The following GTF2A1 variants were observed in gnomAD, a reference collection of about 807,000 sequenced individuals.
GTF2A1 encodes the protein general transcription factor IIA subunit 1.
Under a neutral mutation model 54.1 loss-of-function variants are expected in GTF2A1, and 12 were observed. That is an observed-to-expected ratio of 0.22 (90% confidence interval 0.14 to 0.36). The LOEUF (loss-of-function observed/expected upper bound fraction) is 0.36, where lower values mean the gene tolerates loss of function less well. Among genes scored for constraint, GTF2A1 ranks in the 10% least tolerant of loss-of-function variants. GTF2A1 has a pLI of 1.00. For synonymous variants in GTF2A1, 145 were observed against 152.0 expected (o/e 0.95, Z 0.34); for missense variants, 335 against 442.2 (o/e 0.76, Z 2.17).
At position 81,192,750 on chromosome 14, in the gene GTF2A1, T is replaced by C. The variant is rs749419776; in HGVS notation, c.702A>G (p.Gln234=). 1.9e-6 allele frequency: 3 copies of C among 1,613,438 alleles called. No individual in the cohort carries two copies. Among genetic ancestry groups the C allele is most frequent in the South Asian group, 1.1e-5 (1 of 91,072 alleles). ...QQILFTGNKT[Q]VIPTTVAAPT... is the part of the protein sequence containing the mutation. The stretch of plus-strand genomic sequence containing the variant: ...GTGCTGCCACTGTCGTAGGTATAAC[T>C]TGAGTCTTATTTCCTGTAAATAAGA... Residue 234 remains glutamine, a synonymous_variant, in exon 7 of 9, where the codon CAA becomes CAG. Transcript: ENST00000553612.
chr14:81,215,028 CTG>C (rs1893457291), intron 2 of GTF2A1, among the ~76,000 whole-genome samples: 1 of 152,194 alleles, frequency 6.6e-6, no homozygotes, highest in Admixed American at 6.5e-5. Context: ...AACCATATAA[CTG>C]TGAACTTTTC....
intron 7 of GTF2A1, 128 bp downstream of exon 7, chr14:81,192,391 T>C: frequency 1.5e-6 from 1 of 682,868 alleles, no homozygotes; most frequent in South Asian, 2.2e-5. Context: ...TAACTTTATC[T>C]TTAAAATCTT....
At chr14:81,190,662 A>T (rs1056911573) in intron 7 of GTF2A1, among the ~76,000 whole-genome samples, 1 of 150,976 alleles carries the variant, frequency 6.6e-6, no homozygotes, top group African/African-American at 2.4e-5. Context: ...GATATCCATT[A>T]AAAAAAAAGA....
chr14:81,211,206 TAG>T (rs1893356738), intron 2 of GTF2A1, among the ~76,000 whole-genome samples: 1 of 152,182 alleles, frequency 6.6e-6, no homozygotes, highest in Admixed American at 6.5e-5. Context: ...CAGTCAGGGC[TAG>T]AGAGTGAATG....
chr14:81,197,484 T>C lies in GTF2A1; in HGVS notation c.403A>G (p.Ser135Gly), dbSNP rs1178036906. Residue 135 changes from serine (S) to glycine (G), a missense_variant and splice_region_variant, in exon 5 of 9, where the codon AGT becomes GGT. By Grantham distance (56) the Ser-to-Gly change is moderately conservative. Transcript: ENST00000553612. ...AAGGTAGCAGCTGTAGCAGCAGCAC[T>C]CTGAAAAAAACAAAGAAAAAATATC... is the stretch of plus-strand genomic sequence containing the variant. ...LIQHMNASNM[S>G]AAATAATLAL... The C allele has an allele frequency of 6.4e-7, 1 of 1,555,866 alleles. No homozygotes were observed. The highest frequency in any genetic ancestry group is 1.8e-5 in the Admixed American group (1 of 55,316).
intron 1 of GTF2A1, among the ~76,000 whole-genome samples, chr14:81,219,965 C>T (rs2140047896): frequency 6.6e-6 from 1 of 151,976 alleles, no homozygotes; most frequent in Non-Finnish European, 1.5e-5. Flanking sequence ...GAGAAGGTTC[C>T]CAAAGCACAG....
chr14:81,191,501 G>A (rs117911504), intron 7 of GTF2A1, among the ~76,000 whole-genome samples: 4,461 of 152,114 alleles, frequency 0.029, 89 homozygotes, highest in East Asian at 0.052. Flanking sequence ...CAACAACTTG[G>A]ATAAACCTCA....
chr14:81,214,945 T>C (rs1221076280), intron 2 of GTF2A1, among the ~76,000 whole-genome samples: 2 of 152,206 alleles, frequency 1.3e-5, no homozygotes, highest in Admixed American at 1.3e-4. Flanking sequence ...CTTCCTACAA[T>C]TAAGTAGTTG....
intron 2 of GTF2A1, chr14:81,204,419 G>A: frequency 2.5e-6 from 1 of 395,136 alleles, no homozygotes; most frequent in Middle Eastern, 3.8e-4. Flanking sequence ...AACTTCTTTA[G>A]TAATCAAAGA....
rs113746971 is a variant in GTF2A1 at position 81,206,321 on chromosome 14, A to G, written c.133-2217T>C. On this transcript the variant is annotated intron_variant, in intron 2 of 8. Coordinates refer to ENST00000553612, the MANE Select transcript of GTF2A1 (RefSeq NM_015859.4). The stretch of plus-strand genomic sequence containing the variant: ...TTCAGTGTTCCAATGCATCTCTATG[A>G]CATGGCCCTGGTCCTTTCTGCCCAG... 1.8e-3 allele frequency among the ~76,000 whole-genome samples: 279 copies of G among 152,332 alleles called. 3 individuals are homozygous for G. Among genetic ancestry groups the G allele is most frequent in the African/African-American group, 6.4e-3 (265 of 41,588 alleles).
chr14:81,202,253 A>G (rs1893129181), intron 3 of GTF2A1, among the ~76,000 whole-genome samples: 1 of 152,212 alleles, frequency 6.6e-6, no homozygotes, highest in Admixed American at 6.5e-5. Flanking sequence ...ATTTTCAAAC[A>G]TAATTTTGTC....
At chr14:81,191,842 GA>G (rs1381295078) in intron 7 of GTF2A1, among the ~76,000 whole-genome samples, 3 of 151,714 alleles carry the variant, frequency 2.0e-5, no homozygotes, top group South Asian at 2.1e-4. Context: ...GTTTTCTTCA[GA>G]AAAAAAATTA....
At chr14:81,202,764 A>G (rs765079399) in intron 3 of GTF2A1, 1 of 518,422 alleles carries the variant, frequency 1.9e-6, no homozygotes, top group East Asian at 5.4e-5. Context: ...AGTGAAGAAA[A>G]TCAAATTTTA....
Position 81,192,531 on chromosome 14 carries a change from C to T in GTF2A1, c.921G>A (p.Gly307=), listed in dbSNP as rs750286582. ...EDKEKDGAED[G]QVEEEPLNSE... The stretch of plus-strand genomic sequence containing the variant: ...ACTAGAAACTTACTTCTTCCACCTG[C>T]CCATCTTCAGCTCCATCTTTCTCTT... The change falls in exon 7 of 9, where the codon GGG becomes GGA. Residue 307 remains glycine, a synonymous_variant. Transcript: ENST00000553612. 6.2e-6 allele frequency: 10 copies of T among 1,606,476 alleles called. No homozygotes were observed. The East Asian group carries it at 1.6e-4, about 25-fold the overall frequency.
intron 8 of GTF2A1, among the ~76,000 whole-genome samples, chr14:81,182,980 C>G (rs575644697): frequency 1.3e-5 from 2 of 152,202 alleles, no homozygotes; most frequent in Admixed American, 6.5e-5. Flanking sequence ...CTATTTAAAA[C>G]TGAAACCAAA....
intron 1 of GTF2A1, among the ~76,000 whole-genome samples, chr14:81,219,195 A>C (rs1227963908): frequency 6.6e-6 from 1 of 152,170 alleles, no homozygotes; most frequent in Non-Finnish European, 1.5e-5. Flanking sequence ...AAGAAGGCAA[A>C]TCCTAGCTGC....
At chr14:81,182,285 C>T (rs996435109) in intron 8 of GTF2A1, among the ~76,000 whole-genome samples, 1 of 152,202 alleles carries the variant, frequency 6.6e-6, no homozygotes, top group Non-Finnish European at 1.5e-5. Flanking sequence ...AAATACACTA[C>T]ATAAATGCTA....
chr14:81,207,231 G>C (rs1893257008), intron 2 of GTF2A1, among the ~76,000 whole-genome samples: 1 of 151,890 alleles, frequency 6.6e-6, no homozygotes, highest in Non-Finnish European at 1.5e-5. Flanking sequence ...ATCTCAACTT[G>C]AGTTGTATCT....
intron 2 of GTF2A1, chr14:81,209,925 C>T (rs1893323124): frequency 1.6e-6 from 2 of 1,268,190 alleles, no homozygotes; most frequent in Non-Finnish European, 1.0e-6. Flanking sequence ...CAGCAACTGT[C>T]TTATTCAGGA....
Sources: allele counts gnomAD v4.1 joint callset (sites outside exome capture counted in the v4.1 genomes callset), GRCh38; gene constraint gnomAD v4.1.1; transcripts MANE v1.5; gene names NCBI Gene and HGNC (gene_info 2026-07-23, HGNC 2026-07-21).